RECQL4: variants seen among roughly 807,000 people sequenced by gnomAD.
RECQL4 encodes ATP-dependent DNA helicase Q4.
Under a neutral mutation model 128.6 loss-of-function variants are expected in RECQL4, and 158 were observed. That is an observed-to-expected ratio of 1.23 (90% CI 1.08 to 1.40). The LOEUF (loss-of-function observed/expected upper bound fraction) is 1.40. Among genes scored for constraint, RECQL4 ranks in the 40% most tolerant of loss-of-function variants. The pLI is 0.00. For missense variants in RECQL4, 2,293 were observed against 1,649.8 expected (o/e 1.39, Z -6.75); for synonymous variants, 996 against 678.9 (o/e 1.47, Z -7.26).
Position 144,517,748 on chromosome 8 carries a change from C to G in RECQL4, c.37G>C (p.Ala13Pro), listed in dbSNP as rs747356389. 1 of 1,330,618 alleles carries G rather than the reference C, an allele frequency of 7.5e-7. No homozygotes were observed. The highest frequency in any genetic ancestry group is 9.6e-7 in the Non-Finnish European group (1 of 1,038,606). 82.4% of individuals were successfully genotyped at this position (1,330,618 alleles called of 1,614,324 possible). A position where few individuals can be genotyped will look rare whatever the true frequency, so the allele number is the denominator to read the frequency against. Residue 13 changes from alanine to proline, a missense_variant, in exon 1 of 21, where the codon GCG becomes CCG. Physicochemically the swap from Ala to Pro is conservative, Grantham distance 27. Coordinates refer to ENST00000617875, the MANE Select transcript of RECQL4 (RefSeq NM_004260.4). ...RLRDVRERLQ[A>P]WERAFRRQRG... is the part of the protein sequence containing the mutation. Reference sequence around the variant, plus strand: ...TGCCGTCGGAACGCGCGCTCCCACGCCTGCAGCCGCTCCCGCACGTCCCGC... The same window carrying G: ...TGCCGTCGGAACGCGCGCTCCCACGGCTGCAGCCGCTCCCGCACGTCCCGC...
Position 144,515,042 on chromosome 8 carries a change from C to T in RECQL4, c.1514G>A (p.Gly505Asp), listed in dbSNP as rs1004394987. 3 of 1,609,790 alleles carry T rather than the reference C, an allele frequency of 1.9e-6. No individual in the cohort carries two copies. The highest frequency in any genetic ancestry group is 2.5e-6 in the Non-Finnish European group (3 of 1,178,810). The change falls in exon 9 of 21, where the codon GGT (glycine) becomes GAT (aspartate). Residue 505 changes from glycine (G) to aspartate (D), a missense_variant. By Grantham distance (94) the Gly-to-Asp change is moderately conservative. Transcript: ENST00000617875. ...GISTLLVLPTGAGKSLCYQLP... is the reference protein window; with the variant it reads ...GISTLLVLPTDAGKSLCYQLP... The stretch of plus-strand genomic sequence containing the variant: ...CTGGTAGCACAGGGACTTGCCGGCA[C>T]CTGTAGGCAGCACCAGCAGCGTGGA...
At chr8:144,511,641 C>G (rs1321235129) in intron 20 of RECQL4, 40 bp downstream of exon 20, 1 of 1,608,174 alleles carries the variant, frequency 6.2e-7, no homozygotes, top group South Asian at 1.1e-5. Flanking sequence ...CCCCAGCCCC[C>G]AGCCCCAGCC....
chr8:144,514,508 C>A lies in RECQL4; in HGVS notation c.1638G>T (p.Pro546=), dbSNP rs775478350. Residue 546 remains proline, a synonymous_variant, in exon 10 of 21, where the codon CCG becomes CCT. Coordinates refer to ENST00000617875, the MANE Select transcript of RECQL4 (RefSeq NM_004260.4). Reference sequence around the variant, plus strand: ...AGTGTATGCAGGCCGCCTTGAGACACGGTGGCAGGCCAGACACCTGCAAAT... The same window carrying A: ...AGTGTATGCAGGCCGCCTTGAGACAAGGTGGCAGGCCAGACACCTGCAAAT... The part of the protein sequence containing the change: ...LMDDQVSGLP[P]CLKAACIHSG... 1 of 1,611,632 alleles carries A rather than the reference C, an allele frequency of 6.2e-7. No homozygotes were observed. Among genetic ancestry groups the A allele is most frequent in the East Asian group, 2.2e-5 (1 of 44,888 alleles).
chr8:144,513,100 G>A lies in RECQL4; in HGVS notation c.2502C>T (p.Ala834=), dbSNP rs751755789. The A allele has an allele frequency of 2.3e-5, 36 of 1,573,482 alleles. No individual in the cohort carries two copies. In the South Asian group the frequency reaches 3.4e-4, roughly 15 times the overall value. ...TCACAGCCAGGAAGTCCGTGCTGTCGGCGTGCACATGTCTGCGCAGCTCTC... is the reference window on the plus strand; with the variant it reads ...TCACAGCCAGGAAGTCCGTGCTGTCAGCGTGCACATGTCTGCGCAGCTCTC... The part of the protein sequence containing the change: ...DLRELRRHVH[A]DSTDFLAVKR... The change falls in exon 15 of 21, where the codon GCC becomes GCT. Residue 834 remains alanine (A), a synonymous_variant. Coordinates refer to ENST00000617875, the MANE Select transcript of RECQL4 (RefSeq NM_004260.4).
rs1586817192 is a variant in RECQL4 at position 144,515,352 on chromosome 8, G to A, written c.1364C>T (p.Ser455Phe). The A allele has an allele frequency of 1.2e-6, 2 of 1,612,772 alleles. No homozygotes were observed. The highest frequency in any genetic ancestry group is 8.5e-7 in the Non-Finnish European group (1 of 1,179,824). The change falls in exon 7 of 21, where the codon TCC (serine) becomes TTC (phenylalanine). Residue 455 changes from serine (S) to phenylalanine (F), a missense_variant. Ser to Phe is a radical substitution (Grantham distance 155, BLOSUM62 -2). Transcript: ENST00000617875. ...TGCCAACTGCCCTGAGGGCCCCAGG[G>A]AGTAGAGTGGCAGCACGGTGGGGTC... is the stretch of plus-strand genomic sequence containing the variant. Reference protein sequence around the residue: ...SLDPTVLPLYSLGPSGQLAET... With the variant: ...SLDPTVLPLYFLGPSGQLAET...
At position 144,515,626 on chromosome 8, in the gene RECQL4, C is replaced by T. The variant is rs1048311679; in HGVS notation, c.1258+138G>A. On this transcript the variant is annotated intron_variant, in intron 6 of 20. Transcript: ENST00000617875. Reference sequence around the variant, plus strand: ...CAGCCATCGTCGTCCCTGCCACCCTCCTTCAGGGGAGCTAGGGTAGGGCCT... The same window carrying T: ...CAGCCATCGTCGTCCCTGCCACCCTTCTTCAGGGGAGCTAGGGTAGGGCCT... The T allele has an allele frequency of 4.8e-5, 69 of 1,439,924 alleles. 1 individual carries two copies. The South Asian group carries it at 8.6e-4, about 18-fold the overall frequency. The allele number at this position is 1,439,924 out of a possible 1,614,324, so 89.2% of individuals were successfully genotyped here. A position where few individuals can be genotyped will look rare whatever the true frequency, so the allele number is the denominator to read the frequency against.
chr8:144,516,686 T>C lies in RECQL4; in HGVS notation c.433A>G (p.Thr145Ala). Reference protein sequence around the residue: ...SKASTPKPPGTGPVPSFAEKV... With the variant: ...SKASTPKPPGAGPVPSFAEKV... ...TCTGCAAAGGAGGGGACAGGCCCTG[T>C]ACCTGGGGGCTTTGGGGTGGATGCC... Residue 145 changes from threonine to alanine, a missense_variant, in exon 5 of 21, where the codon ACA becomes GCA. Physicochemically the swap from Thr to Ala is moderately conservative, Grantham distance 58. Coordinates refer to ENST00000617875, the MANE Select transcript of RECQL4 (RefSeq NM_004260.4). 1 of 1,572,262 alleles carries C rather than the reference T, an allele frequency of 6.4e-7. No homozygotes were observed. The highest frequency in any genetic ancestry group is 8.6e-7 in the Non-Finnish European group (1 of 1,160,254).
rs748047415 is a variant in RECQL4, at chr8:144,511,445, G to A, written c.3613C>T (p.Gln1205Ter). The stretch of plus-strand genomic sequence containing the variant: ...ATGCAGTGCAGTCAGCGGGCCACCT[G>A]CAGGAGCTCTTCCGTGGCCAGGCCC... ...LVGLATEELL[Q>*]VAR The change falls in exon 21 of 21, where the codon CAG becomes TAG. Residue 1205 changes from glutamine (Q) to a stop codon, truncating the protein, a stop_gained. Coordinates refer to ENST00000617875, the MANE Select transcript of RECQL4 (RefSeq NM_004260.4). LOFTEE classifies it high-confidence loss of function. The A allele has an allele frequency of 8.7e-6, 14 of 1,612,470 alleles. No homozygotes were observed. In the South Asian group the frequency reaches 8.8e-5, roughly 10 times the overall value.
chr8:144,517,546 C>CT, intron 2 of RECQL4, 38 bp from the exon 3 acceptor site: 1 of 1,531,238 alleles, frequency 6.5e-7, no homozygotes, highest in Non-Finnish European at 8.7e-7. Flanking sequence ...AGGGTGGGGC[C>CT]TGGGCCCCTG....
In RECQL4 at chr8:144,517,401, G is replaced by T; in HGVS notation, c.213+13C>A. ...GGAAGTGGGAGGAGGCTGGGGCGGC[G>T]GGGCCTGGGTACCTCTTCGGCCGCC... On this transcript the variant is annotated intron_variant, in intron 3 of 20. Transcript: ENST00000617875. 6.4e-7 allele frequency: 1 copy of T among 1,557,512 alleles called. No homozygotes were observed.
chr8:144,514,194 A>T lies in RECQL4; in HGVS notation c.1873T>A (p.Cys625Ser), dbSNP rs2130694165. The T allele has an allele frequency of 6.2e-7, 1 of 1,612,164 alleles. No homozygotes were observed. Among genetic ancestry groups the T allele is most frequent in the Non-Finnish European group, 8.5e-7 (1 of 1,179,670 alleles). The change falls in exon 11 of 21, where the codon TGC becomes AGC. Residue 625 changes from cysteine (C) to serine (S), a missense_variant. Transcript: ENST00000617875. ...CCAGTTCACATATGGCTCACCTTGC[A>T]GACGCGCAGGTAGCAGGGCCGGAAG... ...HNFRPCYLRV[C>S]KVLRERMGVH...
rs1827489849 is a variant in RECQL4, at chr8:144,512,763, T to C, written c.2764A>G (p.Thr922Ala). 6.2e-7 allele frequency: 1 copy of C among 1,611,654 alleles called. No homozygotes were observed. The highest frequency in any genetic ancestry group is 8.5e-7 in the Non-Finnish European group (1 of 1,179,746). Residue 922 changes from threonine (T) to alanine (A), a missense_variant, in exon 16 of 21, where the codon ACT becomes GCT. Thr to Ala is a moderately conservative substitution (Grantham distance 58). Coordinates refer to ENST00000617875, the MANE Select transcript of RECQL4 (RefSeq NM_004260.4). ...ALDMPEEAIE[T>A]LLCYLELHPH... ...TGCAGCTCCAGGTAGCACAGCAAAG[T>C]CTCGATGGCTGGGGGCAGAGCAGGG...
At position 144,513,923 on chromosome 8, in the gene RECQL4, C is replaced by G. The variant is rs1041802349; in HGVS notation, c.2058+5G>C. On this transcript the variant is annotated splice_donor_5th_base_variant and intron_variant, in intron 12 of 20. Coordinates refer to ENST00000617875, the MANE Select transcript of RECQL4 (RefSeq NM_004260.4). The stretch of plus-strand genomic sequence containing the variant: ...CTGCAGGGTCCCCAGAGCACACACA[C>G]CCACCTGGTCTGTGTCCCTGTCCAT... 1.3e-6 allele frequency: 2 copies of G among 1,501,680 alleles called. No homozygotes were observed. Among genetic ancestry groups the G allele is most frequent in the Non-Finnish European group, 1.8e-6 (2 of 1,121,370 alleles). The allele number at this position is 1,501,680 out of a possible 1,614,324, so 93.0% of individuals were successfully genotyped here.
Position 144,513,481 on chromosome 8 carries a change from CT to C in RECQL4, c.2201-2del. ...TCGGCTGTGGTTTTGGGGGCACGACCTTTGGGGAAGACAGGCAGATGGTCAG... is the reference window on the plus strand; with the variant it reads ...TCGGCTGTGGTTTTGGGGGCACGACCTTGGGGAAGACAGGCAGATGGTCAG... On this transcript the variant is annotated splice_acceptor_variant, in intron 13 of 20. Transcript: ENST00000617875. LOFTEE classifies it high-confidence loss of function. 1.2e-6 allele frequency: 2 copies of C among 1,610,064 alleles called. No individual in the cohort carries two copies. The highest frequency in any genetic ancestry group is 8.5e-7 in the Non-Finnish European group (1 of 1,179,778).
rs772329750 is a variant in RECQL4 at position 144,516,159 on chromosome 8, G to A, written c.960C>T (p.His320=). ...TAGCTTGACTGGAGGGGCTGAGTCC[G>A]TGGTACCTGGGGTTCGATGGGCTGC... ...PCSSPSNPRY[H]GLSPSSQARA... The change falls in exon 5 of 21, where the codon CAC becomes CAT. Residue 320 remains histidine (H), a synonymous_variant. Coordinates refer to ENST00000617875, the MANE Select transcript of RECQL4 (RefSeq NM_004260.4). 1.3e-5 allele frequency: 21 copies of A among 1,613,258 alleles called. No homozygotes were observed. Among genetic ancestry groups the A allele is most frequent in the South Asian group, 6.6e-5 (6 of 91,096 alleles).
In RECQL4 at chr8:144,516,657, T is replaced by G. The variant is rs1402781276; in HGVS notation, c.462A>C (p.Lys154Asn). The change falls in exon 5 of 21, where the codon AAA (lysine) becomes AAC (asparagine). Residue 154 changes from lysine to asparagine, a missense_variant. Physicochemically the swap from Lys to Asn is moderately conservative, Grantham distance 94. Transcript: ENST00000617875. ...GGAGCTGTGGAGGCTCATCACTGAC[T>G]TTTTCTGCAAAGGAGGGGACAGGCC... The part of the protein sequence containing the change: ...GTGPVPSFAE[K>N]VSDEPPQLPE... 5.0e-6 allele frequency: 8 copies of G among 1,602,426 alleles called. No homozygotes were observed. The highest frequency in any genetic ancestry group is 6.8e-6 in the Non-Finnish European group (8 of 1,174,320).
chr8:144,515,713 C>T (rs199807576), intron 6 of RECQL4, 51 bp downstream of exon 6: 202 of 1,595,910 alleles, frequency 1.3e-4, no homozygotes, highest in African/African-American at 7.2e-4. Flanking sequence ...AAGAGCACTG[C>T]GCCCTCTCCA....
rs2130698955 is a variant in RECQL4 at position 144,514,514 on chromosome 8, C to CA, written c.1631dup (p.Pro545AlafsTer38). Reference sequence around the variant, plus strand: ...TGCAGGCCGCCTTGAGACACGGTGGCAGGCCAGACACCTGCAAATGCAGGA... The same window carrying CA: ...TGCAGGCCGCCTTGAGACACGGTGGCAAGGCCAGACACCTGCAAATGCAGGA... On this transcript the variant is annotated frameshift_variant, in exon 10 of 21. Coordinates refer to ENST00000617875, the MANE Select transcript of RECQL4 (RefSeq NM_004260.4). LOFTEE classifies it high-confidence loss of function. 1 of 1,611,416 alleles carries CA rather than the reference C, an allele frequency of 6.2e-7. No individual in the cohort carries two copies.
rs755123515 is a variant in RECQL4 at position 144,515,907 on chromosome 8, T to A, written c.1132-17A>T. On this transcript the variant is annotated splice_polypyrimidine_tract_variant and intron_variant, in intron 5 of 20. Coordinates refer to ENST00000617875, the MANE Select transcript of RECQL4 (RefSeq NM_004260.4). Reference sequence around the variant, plus strand: ...CTTCCATGCCTGGGGGGTGCCCACATAGGAGGGTCACTGGGCGGGAAATAC... The same window carrying A: ...CTTCCATGCCTGGGGGGTGCCCACAAAGGAGGGTCACTGGGCGGGAAATAC... 6.2e-7 allele frequency: 1 copy of A among 1,612,564 alleles called. No individual in the cohort carries two copies.
Sources: gnomAD v4.1 joint callset for allele counts on GRCh38, gnomAD v4.1.1 for gene constraint, MANE v1.5 for transcripts, NCBI Gene and HGNC (gene_info 2026-07-23, HGNC 2026-07-21) for gene names.